The following FAM170B variants were observed in gnomAD, a reference collection of about 807,000 sequenced individuals.
The protein encoded by FAM170B is family with sequence similarity 170 member B.
FAM170B carries 4 observed loss-of-function variants against 3.9 expected under a neutral mutation model. The observed-to-expected ratio is 1.01, with a 90% CI of 0.50 to 2.32. FAM170B has a LOEUF of 2.32. Among genes scored for constraint, FAM170B ranks in the 30% most tolerant of loss-of-function variants. FAM170B has a pLI of 0.02. For missense variants in FAM170B, 417 were observed against 368.6 expected, an observed-to-expected ratio of 1.13 and a Z score of -1.07; for synonymous variants, 163 against 149.8, an observed-to-expected ratio of 1.09 and a Z score of -0.64.
At chr10:49,132,635 T>A (rs925696629) in intron 1 of FAM170B, among the ~76,000 whole-genome samples, 2 of 152,148 alleles carry the variant, frequency 1.3e-5, no homozygotes, top group Admixed American at 1.3e-4. Flanking sequence ...AGGGATATGA[T>A]GATAAGGATC....
In FAM170B at chr10:49,131,665, C is replaced by T. The variant is rs1327133979; in HGVS notation, c.800G>A (p.Cys267Tyr). 1.1e-5 allele frequency: 17 copies of T among 1,551,786 alleles called. No homozygotes were observed. In the African/African-American group the frequency reaches 2.2e-4, roughly 20 times the overall value. Residue 267 changes from cysteine (C) to tyrosine (Y), a missense_variant, in exon 2 of 2, where the codon TGT (cysteine) becomes TAT (tyrosine). Physicochemically the swap from Cys to Tyr is radical, Grantham distance 194 (BLOSUM62 -2). Coordinates refer to ENST00000311787, the MANE Select transcript of FAM170B (RefSeq NM_001164484.2). ...EEQSPSDNSE[C>Y]SRPQGEVLSA... Reference sequence around the variant, plus strand: ...GAGCACCTCACCCTGGGGCCGGGAACATTCGCTGTTGTCTGAAGGACTCTG... The same window carrying T: ...GAGCACCTCACCCTGGGGCCGGGAATATTCGCTGTTGTCTGAAGGACTCTG...
chr10:49,133,782 C>T (rs1227967676), intron 1 of FAM170B, 25 bp downstream of exon 1: 8 of 1,544,864 alleles, frequency 5.2e-6, no homozygotes, highest in South Asian at 1.2e-5. Context: ...GCTGGCTGAC[C>T]TTCCAGGCCT....
chr10:49,133,311 A>C (rs187635354), intron 1 of FAM170B, among the ~76,000 whole-genome samples: 1 of 152,160 alleles, frequency 6.6e-6, no homozygotes, highest in East Asian at 1.9e-4. Flanking sequence ...CAACCCTAAG[A>C]AATTATATTG....
At chr10:49,133,734 T>C in intron 1 of FAM170B, 73 bp downstream of exon 1, 3 of 1,288,110 alleles carry the variant, frequency 2.3e-6, no homozygotes, top group Non-Finnish European at 3.3e-6. Flanking sequence ...AACCTGGCAC[T>C]GTCCCTTCCC....
At chr10:49,132,849 A>C (rs886977834) in intron 1 of FAM170B, among the ~76,000 whole-genome samples, 2 of 152,140 alleles carry the variant, frequency 1.3e-5, no homozygotes, top group Admixed American at 6.5e-5. Context: ...TGTGAACAAA[A>C]AAAAAAAAGA....
In FAM170B at chr10:49,132,107, C is replaced by T. The variant is rs1845193975; in HGVS notation, c.358G>A (p.Ala120Thr). Residue 120 changes from alanine to threonine, a missense_variant, in exon 2 of 2, where the codon GCT becomes ACT. Transcript: ENST00000311787. ...CCGGCCTCCGTCTCCCAGGCCACAGCCACACCCCGCACAGTCTGCACGTGC... is the reference window on the plus strand; with the variant it reads ...CCGGCCTCCGTCTCCCAGGCCACAGTCACACCCCGCACAGTCTGCACGTGC... The part of the protein sequence containing the change: ...YTHVQTVRGV[A>T]VAWETEAGFE... 1.3e-6 allele frequency: 2 copies of T among 1,551,650 alleles called. No homozygotes were observed. Among genetic ancestry groups the T allele is most frequent in the South Asian group, 1.2e-5 (1 of 84,062 alleles).
Position 49,131,399 on chromosome 10 carries a change from G to T in FAM170B, c.*214C>A. The T allele has an allele frequency of 1.7e-6, 1 of 585,512 alleles. No individual in the cohort carries two copies. The allele number at this position is 585,512 out of a possible 1,614,324, so 36.3% of individuals were successfully genotyped here. A position where few individuals can be genotyped will look rare whatever the true frequency, so the allele number is the denominator to read the frequency against. On this transcript the variant is annotated 3_prime_UTR_variant, in exon 2 of 2. Transcript: ENST00000311787. ...GAAACACTCAAAGCCCTCTCGTTTG[G>T]GTTTTGAAATGGACTCTGGTGGAGA...
intron 1 of FAM170B, 127 bp downstream of exon 1, chr10:49,133,680 A>G (rs986585533): frequency 7.1e-6 from 5 of 703,744 alleles, no homozygotes; most frequent in Non-Finnish European, 1.2e-5. Context: ...CTCCACATCT[A>G]TGTTTATGGT....
At chr10:49,132,423 C>G in intron 1 of FAM170B, 71 bp from the exon 2 acceptor site, 1 of 1,440,556 alleles carries the variant, frequency 6.9e-7, no homozygotes, top group Non-Finnish European at 9.1e-7. Context: ...TCAGGAGCCG[C>G]AGACTCTGAA....
Position 49,131,967 on chromosome 10 carries a change from C to T in FAM170B, c.498G>A (p.Leu166=). The change falls in exon 2 of 2, where the codon CTG becomes CTA. Residue 166 remains leucine (L), a synonymous_variant. Coordinates refer to ENST00000311787, the MANE Select transcript of FAM170B (RefSeq NM_001164484.2). ...MASNTDMRWD[L]EACKSNCSPE... The stretch of plus-strand genomic sequence containing the variant: ...GGCTGCAGTTGCTCTTGCAGGCTTC[C>T]AGGTCCCAGCGCATATCGGTGTTGG... 1 of 1,551,602 alleles carries T rather than the reference C, an allele frequency of 6.4e-7. No homozygotes were observed. The highest frequency in any genetic ancestry group is 2.0e-5 in the Admixed American group (1 of 51,008).
Position 49,131,560 on chromosome 10 carries a change from G to A in FAM170B, c.*53C>T, listed in dbSNP as rs1404792201. 4.0e-6 allele frequency: 6 copies of A among 1,492,824 alleles called. No homozygotes were observed. The East Asian group carries it at 1.2e-4, about 31-fold the overall frequency. The allele number at this position is 1,492,824 out of a possible 1,614,324, so 92.5% of individuals were successfully genotyped here. On this transcript the variant is annotated 3_prime_UTR_variant, in exon 2 of 2. Coordinates refer to ENST00000311787, the MANE Select transcript of FAM170B (RefSeq NM_001164484.2). ...GCTCTGATACTGCTGGCTGGGGAAG[G>A]AGCAGTCCCAGGCCCTGGAGGTGAG...
chr10:49,132,147 C>T lies in FAM170B; in HGVS notation c.318G>A (p.Val106=). 6.4e-7 allele frequency: 1 copy of T among 1,551,780 alleles called. No individual in the cohort carries two copies. The highest frequency in any genetic ancestry group is 8.7e-7 in the Non-Finnish European group (1 of 1,146,982). ...CDEDNAAPQS[V]CAFYTHVQTV... The stretch of plus-strand genomic sequence containing the variant: ...TCTGCACGTGCGTGTAGAAGGCACA[C>T]ACACTCTGCGGAGCAGCATTGTCCT... The change falls in exon 2 of 2, where the codon GTG becomes GTA. Residue 106 remains valine (V), a synonymous_variant. Transcript: ENST00000311787.
chr10:49,133,832 C>T lies in FAM170B; in HGVS notation c.87G>A (p.Glu29=), dbSNP rs534688224. The T allele has an allele frequency of 1.4e-5, 22 of 1,551,710 alleles. No homozygotes were observed. In the African/African-American group the frequency reaches 2.5e-4, roughly 17 times the overall value. The change falls in exon 1 of 2, where the codon GAG becomes GAA. Residue 29 remains glutamate (E), a synonymous_variant. Transcript: ENST00000311787. ...CTGGCCAGAACACTTCCACACTCTCCTCAGTGGACTCAGGGCTGGTCAAGC... is the reference window on the plus strand; with the variant it reads ...CTGGCCAGAACACTTCCACACTCTCTTCAGTGGACTCAGGGCTGGTCAAGC... ...TLSLTSPEST[E]ESVEVFWPGT...
At chr10:49,132,412 T>G in intron 1 of FAM170B, 60 bp from the exon 2 acceptor site, 1 of 1,453,532 alleles carries the variant, frequency 6.9e-7, no homozygotes, top group Non-Finnish European at 9.1e-7. Context: ...CACATCTACC[T>G]TCAGGAGCCG....
At position 49,132,303 on chromosome 10, in the gene FAM170B, G is replaced by A. The variant is rs372226456; in HGVS notation, c.162C>T (p.Pro54=). ...GSSPRPGPAI[P]REEGLYFAAR... ...CAGCGAAGTAGAGGCCCTCCTCCCG[G>A]GGAATGGCAGGCCCCGGCCGTGGGG... The change falls in exon 2 of 2, where the codon CCC becomes CCT. Residue 54 remains proline, a synonymous_variant. Coordinates refer to ENST00000311787, the MANE Select transcript of FAM170B (RefSeq NM_001164484.2). The A allele has an allele frequency of 8.6e-5, 134 of 1,550,994 alleles. 1 individual carries two copies. The South Asian group carries it at 1.5e-3, about 17-fold the overall frequency.
chr10:49,133,765 G>C (rs1312168843), intron 1 of FAM170B, 42 bp downstream of exon 1: 8 of 1,496,034 alleles, frequency 5.3e-6, no homozygotes, highest in Middle Eastern at 1.9e-4. Flanking sequence ...CCTTCCCAGG[G>C]AGCACAGCTG....
chr10:49,132,133 G>C lies in FAM170B; in HGVS notation c.332C>G (p.Thr111Arg), dbSNP rs775087170. 6.4e-7 allele frequency: 1 copy of C among 1,551,738 alleles called. No individual in the cohort carries two copies. The highest frequency in any genetic ancestry group is 2.4e-5 in the East Asian group (1 of 40,924). Residue 111 changes from threonine to arginine, a missense_variant, in exon 2 of 2, where the codon ACG becomes AGG. Coordinates refer to ENST00000311787, the MANE Select transcript of FAM170B (RefSeq NM_001164484.2). Reference sequence around the variant, plus strand: ...CACACCCCGCACAGTCTGCACGTGCGTGTAGAAGGCACACACACTCTGCGG... The same window carrying C: ...CACACCCCGCACAGTCTGCACGTGCCTGTAGAAGGCACACACACTCTGCGG... ...AAPQSVCAFYTHVQTVRGVAV... is the reference protein window; with the variant it reads ...AAPQSVCAFYRHVQTVRGVAV...
At chr10:49,133,415 G>A (rs563898017) in intron 1 of FAM170B, among the ~76,000 whole-genome samples, 7 of 152,280 alleles carry the variant, frequency 4.6e-5, no homozygotes, top group African/African-American at 1.2e-4. Context: ...TGACACTTAG[G>A]TGCTGCCCAC....
chr10:49,132,669 C>T (rs1326120578), intron 1 of FAM170B, among the ~76,000 whole-genome samples: 1 of 151,724 alleles, frequency 6.6e-6, no homozygotes, highest in Non-Finnish European at 1.5e-5. Flanking sequence ...GAGTAATCAC[C>T]AAGCAAAAGA....
Sources: gnomAD v4.1 joint callset for allele counts (sites outside exome capture counted in the v4.1 genomes callset) on GRCh38, gnomAD v4.1.1 for gene constraint, MANE v1.5 for transcripts, NCBI Gene and HGNC (gene_info 2026-07-23, HGNC 2026-07-21) for gene names.